Variants in NR2C2 observed in about 807,000 individuals in gnomAD.
The protein encoded by NR2C2 is Nuclear hormone receptor TR4.
NR2C2 carries 6 observed loss-of-function variants against 62.9 expected under a neutral mutation model. The observed-to-expected ratio is 0.10, with a 90% CI of 0.05 to 0.19. The LOEUF (loss-of-function observed/expected upper bound fraction) is 0.19, where lower values mean the gene tolerates loss of function less well. NR2C2 is among the 10% of genes least tolerant of loss of function. NR2C2 has a pLI of 1.00. For synonymous variants in NR2C2, 272 were observed against 273.8 expected (o/e 0.99, Z 0.07); for missense variants, 479 against 762.7 (o/e 0.63, Z 4.38).
In NR2C2 at chr3:15,047,756, G is replaced by A. The variant is rs1432615687; in HGVS notation, c.*4748G>A. 1 of 152,204 alleles carries A rather than the reference G, an allele frequency of 6.6e-6. No homozygotes were observed. Among genetic ancestry groups the A allele is most frequent in the Non-Finnish European group, 1.5e-5 (1 of 68,034 alleles). 9.4% of individuals were successfully genotyped at this position (152,204 alleles called of 1,614,324 possible). A position where few individuals can be genotyped will look rare whatever the true frequency, so the allele number is the denominator to read the frequency against. On this transcript the variant is annotated 3_prime_UTR_variant, in exon 14 of 14. Coordinates refer to ENST00000425241, the MANE Select transcript of NR2C2 (RefSeq NM_001291694.2). ...TTTAAAACTAAGCATGGATGTTGAT[G>A]GCTAACTTCTGCGGCATATAAGCTA...
intron 1 of NR2C2, among the ~76,000 whole-genome samples, chr3:14,950,663 C>T (rs1439288336): frequency 6.6e-6 from 1 of 151,750 alleles, no homozygotes; most frequent in Non-Finnish European, 1.5e-5. Flanking sequence ...TTTATAATTA[C>T]ACACTCTATT....
chr3:15,013,896 T>A, intron 3 of NR2C2, 107 bp downstream of exon 3: 1 of 1,181,156 alleles, frequency 8.5e-7, no homozygotes, highest in Admixed American at 2.0e-5. Flanking sequence ...GGAAGGTTCC[T>A]TGGGGACCTG....
chr3:15,021,216 A>T (rs188431432), intron 5 of NR2C2, among the ~76,000 whole-genome samples: 2 of 152,132 alleles, frequency 1.3e-5, no homozygotes, highest in Non-Finnish European at 2.9e-5. Flanking sequence ...CTGATACCAA[A>T]TCTACCTCCA....
intron 1 of NR2C2, among the ~76,000 whole-genome samples, chr3:14,950,557 A>G (rs965996359): frequency 1.6e-5 from 2 of 128,882 alleles, no homozygotes; most frequent in East Asian, 4.4e-4. Flanking sequence ...TACCTCAGAT[A>G]TTGGCTCAAG....
At chr3:15,005,841 C>G (rs974497550) in intron 2 of NR2C2, among the ~76,000 whole-genome samples, 4 of 152,024 alleles carry the variant, frequency 2.6e-5, no homozygotes, top group African/African-American at 9.7e-5. Context: ...ACCCAGCTGA[C>G]AATCTGTCTT....
chr3:14,975,399 A>G (rs530683819), intron 1 of NR2C2, among the ~76,000 whole-genome samples: 1 of 152,106 alleles, frequency 6.6e-6, no homozygotes, highest in South Asian at 2.1e-4. Flanking sequence ...TTCTATTCCT[A>G]TTTTGTTACG....
intron 1 of NR2C2, among the ~76,000 whole-genome samples, chr3:15,001,578 G>C (rs188236388): frequency 2.0e-5 from 3 of 150,990 alleles, no homozygotes; most frequent in Admixed American, 1.3e-4. Context: ...CAGGTAATCC[G>C]CCTGCCTTGG....
chr3:15,009,724 C>T (rs1267488718), intron 2 of NR2C2, among the ~76,000 whole-genome samples: 1 of 152,140 alleles, frequency 6.6e-6, no homozygotes, highest in African/African-American at 2.4e-5. Context: ...AATAAATTAC[C>T]ACAAACTTAG....
At position 15,030,430 on chromosome 3, in the gene NR2C2, C is replaced by T. The variant is rs973198666; in HGVS notation, c.1088C>T (p.Ser363Leu). ...PIIEVEGPLLSDTHVTFKLTM... is the reference protein window; with the variant it reads ...PIIEVEGPLLLDTHVTFKLTM... Reference sequence around the variant, plus strand: ...ATTGAGGTTGAAGGCCCCCTCCTTTCAGACACACACGTCACATTTAAGGTG... The same window carrying T: ...ATTGAGGTTGAAGGCCCCCTCCTTTTAGACACACACGTCACATTTAAGGTG... The change falls in exon 9 of 14, where the codon TCA becomes TTA. Residue 363 changes from serine (S) to leucine (L), a missense_variant. Ser to Leu is a moderately radical substitution (Grantham distance 145, BLOSUM62 -2). Around this residue, in one of 4 missense-constraint regions of NR2C2, gnomAD observed 162 missense variants for 296.8 expected, o/e 0.55. Transcript: ENST00000425241. 5 of 1,601,578 alleles carry T rather than the reference C, an allele frequency of 3.1e-6. No homozygotes were observed. In the African/African-American group the frequency reaches 6.7e-5, roughly 22 times the overall value.
At chr3:15,031,699 T>TG (rs1237089769) in intron 9 of NR2C2, among the ~76,000 whole-genome samples, 1 of 151,938 alleles carries the variant, frequency 6.6e-6, no homozygotes, top group African/African-American at 2.4e-5. Context: ...TCTCCCAAAA[T>TG]GCCTGCTAGT....
intron 8 of NR2C2, among the ~76,000 whole-genome samples, chr3:15,029,616 T>C (rs1256647807): frequency 2.0e-5 from 3 of 152,168 alleles, no homozygotes; most frequent in Non-Finnish European, 2.9e-5. Flanking sequence ...CATTCACATC[T>C]GTAAAATGGA....
At chr3:15,017,683 T>A (rs189316738) in intron 4 of NR2C2, among the ~76,000 whole-genome samples, 107 of 152,232 alleles carry the variant, frequency 7.0e-4, no homozygotes, top group Non-Finnish European at 1.2e-3. Context: ...CTCAAGGAAA[T>A]ATACTGCAAA....
chr3:14,977,428 G>A (rs539971700), intron 1 of NR2C2, among the ~76,000 whole-genome samples: 1 of 152,092 alleles, frequency 6.6e-6, no homozygotes, highest in African/African-American at 2.4e-5. Context: ...TTTCATTTTT[G>A]ATATCTTATT....
At chr3:14,958,340 C>CTT (rs796559223) in intron 1 of NR2C2, among the ~76,000 whole-genome samples, 106 of 145,520 alleles carry the variant, frequency 7.3e-4, no homozygotes, top group African/African-American at 2.5e-3. Flanking sequence ...TTCTGTAGCA[C>CTT]TTTTTTTTTT....
intron 3 of NR2C2, among the ~76,000 whole-genome samples, chr3:15,014,198 C>T (rs899423436): frequency 6.6e-6 from 1 of 152,234 alleles, no homozygotes; most frequent in Non-Finnish European, 1.5e-5. Flanking sequence ...GCTTTTCATT[C>T]TGTCTTTACT....
chr3:15,022,979 A>G (rs1389753879), intron 5 of NR2C2, among the ~76,000 whole-genome samples: 1 of 152,216 alleles, frequency 6.6e-6, no homozygotes, highest in Admixed American at 6.5e-5. Context: ...TTAGCAGGGA[A>G]TACCACCCAT....
intron 1 of NR2C2, among the ~76,000 whole-genome samples, chr3:14,950,475 G>C (rs1321290906): frequency 1.4e-5 from 2 of 143,250 alleles, no homozygotes; most frequent in Non-Finnish European, 3.0e-5. Flanking sequence ...CTGTGCTCTA[G>C]ACACACTGGC....
At chr3:14,978,059 T>TAA (rs921423805) in intron 1 of NR2C2, among the ~76,000 whole-genome samples, 4 of 150,086 alleles carry the variant, frequency 2.7e-5, no homozygotes, top group Non-Finnish European at 5.9e-5. Context: ...ATAAAAATAT[T>TAA]AAAAAAAAAG....
Position 15,030,333 on chromosome 3 carries a change from T to C in NR2C2, c.991T>C (p.Leu331=), listed in dbSNP as rs760072025. The C allele has an allele frequency of 6.2e-7, 1 of 1,613,228 alleles. No homozygotes were observed. Among genetic ancestry groups the C allele is most frequent in the Non-Finnish European group, 8.5e-7 (1 of 1,179,740 alleles). ...NTTDSSSSPS[L]ADGIDTSGGG... ...CACAGACAGCTCCTCTTCTCCAAGC[T>C]TGGCAGATGGGATAGACACCAGTGG... Residue 331 remains leucine (L), a synonymous_variant, in exon 9 of 14, where the codon TTG becomes CTG. Coordinates refer to ENST00000425241, the MANE Select transcript of NR2C2 (RefSeq NM_001291694.2).
Sources: allele counts gnomAD v4.1 joint callset (sites outside exome capture counted in the v4.1 genomes callset), GRCh38; gene constraint gnomAD v4.1.1; regional missense constraint gnomAD v4.1.1; transcripts MANE v1.5; gene names NCBI Gene and HGNC (gene_info 2026-07-23, HGNC 2026-07-21).